The following DTWD2 variants were observed in gnomAD, a reference collection of about 807,000 sequenced individuals.
DTWD2 encodes the protein tRNA-uridine aminocarboxypropyltransferase 2.
Under a neutral mutation model 31.8 loss-of-function variants are expected in DTWD2, and 39 were observed. The ratio of observed to expected loss-of-function variants is 1.22; its 90% confidence interval spans 0.95 to 1.60. The LOEUF (loss-of-function observed/expected upper bound fraction) is 1.60, where lower values mean the gene tolerates loss of function less well. Among genes scored for constraint, DTWD2 ranks in the 40% most tolerant of loss-of-function variants. The pLI, the probability that DTWD2 is intolerant of heterozygous loss-of-function variation, is 0.00. For synonymous variants in DTWD2, 180 were observed against 142.8 expected, an observed-to-expected ratio of 1.26 and a Z score of -1.86; for missense variants, 515 against 381.5, an observed-to-expected ratio of 1.35 and a Z score of -2.92.
rs551840483 is a variant in DTWD2, at chr5:118,872,499, T to C, written c.598-24281A>G. 2.6e-5 allele frequency among the ~76,000 whole-genome samples: 4 copies of C among 152,264 alleles called. No homozygotes were observed. The East Asian group carries it at 7.7e-4, about 29-fold the overall frequency. On this transcript the variant is annotated intron_variant, in intron 4 of 5. Coordinates refer to ENST00000510708, the MANE Select transcript of DTWD2 (RefSeq NM_173666.4). ...GATATTAATTGGCCTAATTTCAAAA[T>C]TGTTGTATCTCAGAAAATAGGACAG...
At chr5:118,847,302 G>T (rs536243602) in intron 5 of DTWD2, among the ~76,000 whole-genome samples, 2 of 152,164 alleles carry the variant, frequency 1.3e-5, no homozygotes, top group African/African-American at 4.8e-5. Flanking sequence ...ATGTGTTCAT[G>T]CTGTGTTTTG....
At chr5:118,860,637 C>T (rs935498959) in intron 4 of DTWD2, among the ~76,000 whole-genome samples, 10 of 152,052 alleles carry the variant, frequency 6.6e-5, no homozygotes, top group South Asian at 4.1e-4. Flanking sequence ...ACAAACAATA[C>T]ATGAAAGCAC....
rs555409429 is a variant in DTWD2 at position 118,973,290 on chromosome 5, T to C, written c.218+15004A>G. Among the ~76,000 whole-genome samples, 3 of 152,354 alleles carry C rather than the reference T, an allele frequency of 2.0e-5. No individual in the cohort carries two copies. The East Asian group carries it at 5.8e-4, about 29-fold the overall frequency. ...ACGTTGTTACGTATGAATATGATCCTGTCATTATGATGTTAGCTGGTTATT... is the reference window on the plus strand; with the variant it reads ...ACGTTGTTACGTATGAATATGATCCCGTCATTATGATGTTAGCTGGTTATT... On this transcript the variant is annotated intron_variant, in intron 1 of 5. Coordinates refer to ENST00000510708, the MANE Select transcript of DTWD2 (RefSeq NM_173666.4).
At chr5:118,901,991 ATACT>A (rs1204648848) in intron 4 of DTWD2, among the ~76,000 whole-genome samples, 1 of 152,234 alleles carries the variant, frequency 6.6e-6, no homozygotes, top group Non-Finnish European at 1.5e-5. Context: ...TTAATAATTC[ATACT>A]TAATTACTTT....
Position 118,950,905 on chromosome 5 carries a change from C to G in DTWD2, c.219-6256G>C, listed in dbSNP as rs190821853. 1.1e-4 allele frequency among the ~76,000 whole-genome samples: 17 copies of G among 152,138 alleles called. No individual in the cohort carries two copies. The East Asian group carries it at 2.5e-3, about 22-fold the overall frequency. ...GAGGGCTGGAATTTAAGTTTTGGAGCTTTTTTTAAACGTCAGGAGCAGATT... is the reference window on the plus strand; with the variant it reads ...GAGGGCTGGAATTTAAGTTTTGGAGGTTTTTTTAAACGTCAGGAGCAGATT... On this transcript the variant is annotated intron_variant, in intron 1 of 5. Transcript: ENST00000510708.
chr5:118,877,021 T>C (rs1303397600), intron 4 of DTWD2, among the ~76,000 whole-genome samples: 1 of 152,224 alleles, frequency 6.6e-6, no homozygotes, highest in Non-Finnish European at 1.5e-5. Context: ...TCAAAAAGCT[T>C]ATCCACCATA....
intron 1 of DTWD2, among the ~76,000 whole-genome samples, chr5:118,956,922 C>T (rs529142984): frequency 6.6e-6 from 1 of 152,170 alleles, no homozygotes; most frequent in East Asian, 1.9e-4. Flanking sequence ...AACTAAATAC[C>T]ATAGTGCCCT....
intron 4 of DTWD2, among the ~76,000 whole-genome samples, chr5:118,881,013 C>G: frequency 6.6e-6 from 1 of 152,200 alleles, no homozygotes. Flanking sequence ...CTTCATCCAA[C>G]AGAATTAAAC....
At chr5:118,961,074 A>G (rs1754695440) in intron 1 of DTWD2, among the ~76,000 whole-genome samples, 1 of 63,680 alleles carries the variant, frequency 1.6e-5, no homozygotes, top group South Asian at 6.3e-4. Flanking sequence ...CCAAAACTAA[A>G]AGTTAAAAAA....
chr5:118,961,234 T>C (rs916992432), intron 1 of DTWD2, among the ~76,000 whole-genome samples: 2 of 152,200 alleles, frequency 1.3e-5, no homozygotes, highest in South Asian at 2.1e-4. Flanking sequence ...CAACTAAGAC[T>C]GAGAATCTTA....
intron 4 of DTWD2, among the ~76,000 whole-genome samples, chr5:118,880,114 A>G (rs557215979): frequency 6.6e-6 from 1 of 152,342 alleles, no homozygotes; most frequent in Non-Finnish European, 1.5e-5. Flanking sequence ...TTAAAGTTGC[A>G]CTAGTGCTCA....
chr5:118,887,053 C>G (rs1424496214), intron 4 of DTWD2, among the ~76,000 whole-genome samples: 3 of 152,118 alleles, frequency 2.0e-5, no homozygotes, highest in Non-Finnish European at 4.4e-5. Context: ...TAGAGGAAAG[C>G]AATTTGAAAT....
chr5:118,942,026 C>G (rs972916437), intron 2 of DTWD2, among the ~76,000 whole-genome samples: 13 of 151,442 alleles, frequency 8.6e-5, no homozygotes, highest in African/African-American at 1.2e-4. Context: ...TGATGGGGTT[C>G]TTTGTTTTTT....
In DTWD2 at chr5:118,884,996, C is replaced by CAAAAAAAAAAAAA. The variant is rs36042211; in HGVS notation, c.598-36791_598-36779dup. 7.0e-4 allele frequency among the ~76,000 whole-genome samples: 35 copies of CAAAAAAAAAAAAA among 49,744 alleles called. 1 individual carries two copies. The highest frequency in any genetic ancestry group is 2.9e-3 in the African/African-American group (35 of 11,996). The allele number at this position is 49,744 out of a possible 152,430, so 32.6% of individuals were successfully genotyped here. A position where few individuals can be genotyped will look rare whatever the true frequency, so the allele number is the denominator to read the frequency against. ...GGGGGACAGAGTGAGACTCCATCTC[C>CAAAAAAAAAAAAA]AAAAAAAAAAAAAAAAAAAAAAATC... On this transcript the variant is annotated intron_variant, in intron 4 of 5. Coordinates refer to ENST00000510708, the MANE Select transcript of DTWD2 (RefSeq NM_173666.4).
intron 4 of DTWD2, among the ~76,000 whole-genome samples, chr5:118,855,707 G>A (rs1351081463): frequency 6.6e-6 from 1 of 152,032 alleles, no homozygotes; most frequent in African/African-American, 2.4e-5. Flanking sequence ...GAAATATATT[G>A]TAAACATTTT....
At chr5:118,986,747 T>A (rs973084967) in intron 1 of DTWD2, among the ~76,000 whole-genome samples, 1 of 151,674 alleles carries the variant, frequency 6.6e-6, no homozygotes, top group Non-Finnish European at 1.5e-5. Flanking sequence ...GCAAATAAAA[T>A]GCATAGCAAG....
At chr5:118,845,413 T>G (rs774898266) in intron 5 of DTWD2, among the ~76,000 whole-genome samples, 1 of 152,216 alleles carries the variant, frequency 6.6e-6, no homozygotes, top group South Asian at 2.1e-4. Context: ...TTCTCATAAC[T>G]AGATTTGAAA....
At chr5:118,929,836 T>C (rs1753884398) in intron 3 of DTWD2, among the ~76,000 whole-genome samples, 1 of 152,166 alleles carries the variant, frequency 6.6e-6, no homozygotes, top group Non-Finnish European at 1.5e-5. Flanking sequence ...TAGGAAATAA[T>C]AACTGAAAGT....
intron 4 of DTWD2, among the ~76,000 whole-genome samples, chr5:118,857,925 G>A (rs1425704161): frequency 1.3e-5 from 2 of 152,142 alleles, no homozygotes; most frequent in African/African-American, 4.8e-5. Flanking sequence ...ATCATCAAGC[G>A]ACTACGCCTG....
Sources: gnomAD v4.1 joint callset for allele counts (sites outside exome capture counted in the v4.1 genomes callset) on GRCh38, gnomAD v4.1.1 for gene constraint, MANE v1.5 for transcripts, NCBI Gene and HGNC (gene_info 2026-07-23, HGNC 2026-07-21) for gene names.